Variants in SIPA1L3 observed in about 807,000 individuals in gnomAD.
SIPA1L3 encodes signal-induced proliferation-associated 1-like protein 3.
SIPA1L3 carries 59 observed loss-of-function variants against 150.1 expected under a neutral mutation model. That is an observed-to-expected ratio of 0.39 (90% CI 0.32 to 0.49). SIPA1L3 has a LOEUF of 0.49. SIPA1L3 is among the 20% of genes least tolerant of loss of function. The probability of loss-of-function intolerance (pLI) is 0.86; values close to 1 mark genes in which losing one functional copy is unlikely to be tolerated. For missense variants in SIPA1L3, 2,211 were observed against 2,489.5 expected (o/e 0.89, Z 2.38); for synonymous variants, 1,070 against 1,077.6 (o/e 0.99, Z 0.14).
chr19:37,987,570 A>G (rs920439176), intron 1 of SIPA1L3, among the ~76,000 whole-genome samples: 2 of 152,154 alleles, frequency 1.3e-5, no homozygotes, highest in Admixed American at 6.5e-5. Context: ...GGGGATCATC[A>G]AAAGTGTCTC....
At chr19:38,095,390 ACCT>A (rs1457970117) in intron 4 of SIPA1L3, among the ~76,000 whole-genome samples, 1 of 151,988 alleles carries the variant, frequency 6.6e-6, no homozygotes, top group Admixed American at 6.5e-5. Context: ...CTCCTAAGTA[ACCT>A]CCTAGGAAAT....
At chr19:37,952,236 A>T (rs984488839) in intron 1 of SIPA1L3, among the ~76,000 whole-genome samples, 5 of 152,194 alleles carry the variant, frequency 3.3e-5, no homozygotes, top group Non-Finnish European at 5.9e-5. Context: ...TTCTTTGGGT[A>T]ACTGAACTTC....
At chr19:37,949,274 G>A (rs956764077) in intron 1 of SIPA1L3, among the ~76,000 whole-genome samples, 7 of 152,096 alleles carry the variant, frequency 4.6e-5, no homozygotes, top group Admixed American at 2.6e-4. Flanking sequence ...TTTCCAGGTC[G>A]CAACCACAGA....
chr19:38,021,533 T>G (rs1968372588), intron 1 of SIPA1L3, among the ~76,000 whole-genome samples: 1 of 149,488 alleles, frequency 6.7e-6, no homozygotes, highest in Non-Finnish European at 1.5e-5. Flanking sequence ...GACTGTTAGA[T>G]GAGTCTGATC....
In SIPA1L3 at chr19:38,082,126, G is replaced by A. The variant is rs1170422818; in HGVS notation, c.561G>A (p.Pro187=). The change falls in exon 3 of 22, where the codon CCG becomes CCA. Residue 187 remains proline, a synonymous_variant. Transcript: ENST00000222345. ...SECDAEDAGE[P]RGARHTGALP... is the part of the protein sequence containing the mutation. ...GTGACGCGGAGGACGCGGGGGAGCC[G>A]CGGGGGGCCCGGCACACGGGGGCGC... The A allele has an allele frequency of 1.2e-6, 2 of 1,606,546 alleles. No homozygotes were observed. Among genetic ancestry groups the A allele is most frequent in the Non-Finnish European group, 1.7e-6 (2 of 1,179,052 alleles).
At chr19:38,054,041 G>A (rs1204890506) in intron 2 of SIPA1L3, among the ~76,000 whole-genome samples, 2 of 152,172 alleles carry the variant, frequency 1.3e-5, no homozygotes, top group African/African-American at 4.8e-5. Context: ...TTCAAACCCA[G>A]GCAGCCTGAG....
chr19:38,117,993 A>G (rs375674644), intron 8 of SIPA1L3, among the ~76,000 whole-genome samples: 1 of 152,120 alleles, frequency 6.6e-6, no homozygotes, highest in Non-Finnish European at 1.5e-5. Flanking sequence ...TCAGATTTTG[A>G]TAGCGCCTCC....
At chr19:38,063,828 T>G (rs1654350) in intron 2 of SIPA1L3, among the ~76,000 whole-genome samples, 1 of 151,734 alleles carries the variant, frequency 6.6e-6, no homozygotes, top group Admixed American at 6.6e-5. Context: ...GAGAAAAAAA[T>G]AATAATAATA....
intron 2 of SIPA1L3, among the ~76,000 whole-genome samples, chr19:38,040,201 C>T (rs569390942): frequency 3.9e-5 from 6 of 152,306 alleles, no homozygotes; most frequent in African/African-American, 1.4e-4. Context: ...TCACAGACAT[C>T]CTTATTACAA....
At chr19:38,161,619 G>C (rs547811390) in intron 13 of SIPA1L3, among the ~76,000 whole-genome samples, 1 of 152,078 alleles carries the variant, frequency 6.6e-6, no homozygotes, top group Admixed American at 6.6e-5. Context: ...CCAGCTGCTT[G>C]AGAGGCTGAG....
chr19:38,182,799 G>T, intron 16 of SIPA1L3, 59 bp downstream of exon 16: 2 of 1,356,554 alleles, frequency 1.5e-6, no homozygotes, highest in Non-Finnish European at 2.0e-6. Flanking sequence ...CGTCTCCGGG[G>T]CGGAAAGAGG....
intron 16 of SIPA1L3, among the ~76,000 whole-genome samples, chr19:38,184,005 A>G (rs545476358): frequency 1.1e-4 from 17 of 152,142 alleles, no homozygotes; most frequent in Non-Finnish European, 2.1e-4. Context: ...CTTTAAAGTG[A>G]AAGAGGAGAG....
intron 1 of SIPA1L3, among the ~76,000 whole-genome samples, chr19:37,994,265 G>T (rs1046480565): frequency 6.6e-6 from 1 of 152,188 alleles, no homozygotes; most frequent in Non-Finnish European, 1.5e-5. Flanking sequence ...ATTGGGTGAG[G>T]CTAAAGTTGG....
rs758273855 is a variant in SIPA1L3, at chr19:37,927,010, A to AT, written c.-379+19665dup. Among the ~76,000 whole-genome samples the AT allele has an allele frequency of 2.4e-3, 351 of 145,098 alleles. 1 individual carries two copies. The highest frequency in any genetic ancestry group is 7.0e-3 in the Middle Eastern group (2 of 286). The stretch of plus-strand genomic sequence containing the variant: ...GCAGCTAAAAAAAGGTGGTGGCATG[A>AT]TTTTTTTTTTTTTAGATTCAGAGGG... On this transcript the variant is annotated intron_variant, in intron 1 of 21. Transcript: ENST00000222345.
chr19:38,171,687 C>T (rs1302746222), intron 15 of SIPA1L3, among the ~76,000 whole-genome samples: 1 of 152,086 alleles, frequency 6.6e-6, no homozygotes, highest in East Asian at 1.9e-4. Context: ...GCCACCATGC[C>T]TGGCCAAAAA....
chr19:38,112,931 G>C (rs563836676), intron 8 of SIPA1L3, among the ~76,000 whole-genome samples: 1 of 152,160 alleles, frequency 6.6e-6, no homozygotes, highest in Non-Finnish European at 1.5e-5. Flanking sequence ...CTCAGGGCGA[G>C]GTGCAGTGGC....
chr19:38,177,392 G>C (rs970708064), intron 15 of SIPA1L3, among the ~76,000 whole-genome samples: 10 of 150,230 alleles, frequency 6.7e-5, no homozygotes, highest in Non-Finnish European at 1.3e-4. Context: ...AGTTTATTTT[G>C]CCAGGCGCAG....
intron 1 of SIPA1L3, among the ~76,000 whole-genome samples, chr19:37,918,004 C>CA (rs1002162387): frequency 1.2e-4 from 18 of 145,698 alleles, no homozygotes; most frequent in African/African-American, 2.3e-4. Flanking sequence ...GACCCTGTCT[C>CA]AAAAAAAAAA....
rs749718205 is a variant in SIPA1L3 at position 38,141,315 on chromosome 19, C to G, written c.3275C>G (p.Ser1092Cys). 1 of 1,614,022 alleles carries G rather than the reference C, an allele frequency of 6.2e-7. No homozygotes were observed. The highest frequency in any genetic ancestry group is 8.5e-7 in the Non-Finnish European group (1 of 1,179,972). The change falls in exon 11 of 22, where the codon TCT becomes TGT. Residue 1092 changes from serine (S) to cysteine (C), a missense_variant. By Grantham distance (112) the Ser-to-Cys change is moderately radical (BLOSUM62 -1). Around this residue, in one of 5 missense-constraint regions of SIPA1L3, gnomAD observed 806 missense variants for 870.1 expected, o/e 0.93. Coordinates refer to ENST00000222345, the MANE Select transcript of SIPA1L3 (RefSeq NM_015073.3). Reference sequence around the variant, plus strand: ...TGGAGCGGGCCCGCATCCCATAACTCTCTACCAGCCTCCAAGTGGGCCACT... The same window carrying G: ...TGGAGCGGGCCCGCATCCCATAACTGTCTACCAGCCTCCAAGTGGGCCACT... Reference protein sequence around the residue: ...WQWSGPASHNSLPASKWATPT... With the variant: ...WQWSGPASHNCLPASKWATPT...
Sources: allele counts gnomAD v4.1 joint callset (sites outside exome capture counted in the v4.1 genomes callset), GRCh38; gene constraint gnomAD v4.1.1; regional missense constraint gnomAD v4.1.1; transcripts MANE v1.5; gene names NCBI Gene and HGNC (gene_info 2026-07-23, HGNC 2026-07-21).